Variants in AFG2A observed in about 807,000 individuals in gnomAD.
AFG2A encodes AAA ATPase AFG2A, also known as ATPase family gene 2 protein homolog A.
chr4:122,970,827 A>G, the AFG2A span, among the ~76,000 whole-genome samples: 1 of 151,522 alleles, frequency 6.6e-6, no homozygotes, highest in Non-Finnish European at 1.5e-5. Flanking sequence ...CTGTATCTAG[A>G]AGAAGTAAAA....
At chr4:123,278,440 A>G in the AFG2A span, among the ~76,000 whole-genome samples, 1 of 152,088 alleles carries the variant, frequency 6.6e-6, no homozygotes, top group East Asian at 1.9e-4. Flanking sequence ...GGTTTTTCAT[A>G]TCTCAGTTTC....
the AFG2A span, among the ~76,000 whole-genome samples, chr4:123,214,954 T>A: frequency 2.6e-5 from 4 of 151,932 alleles, no homozygotes; most frequent in African/African-American, 7.3e-5. Flanking sequence ...TTTTGGAGAG[T>A]CTCAGGTTAA....
chr4:123,004,208 T>A, the AFG2A span, among the ~76,000 whole-genome samples: 1 of 152,338 alleles, frequency 6.6e-6, no homozygotes, highest in Admixed American at 6.5e-5. Flanking sequence ...AGGTGCCCTC[T>A]GTTACCCCTT....
At chr4:122,965,784 G>A in the AFG2A span, among the ~76,000 whole-genome samples, 2 of 151,944 alleles carry the variant, frequency 1.3e-5, no homozygotes, top group Non-Finnish European at 2.9e-5. Flanking sequence ...TTGTCTTCAG[G>A]TTTCTAAAAA....
the AFG2A span, among the ~76,000 whole-genome samples, chr4:122,996,310 G>C: frequency 6.6e-6 from 1 of 152,094 alleles, no homozygotes; most frequent in Non-Finnish European, 1.5e-5. Context: ...ACATAATTGT[G>C]TCTTGTGTAC....
At chr4:123,250,128 C>G in the AFG2A span, among the ~76,000 whole-genome samples, 12 of 152,078 alleles carry the variant, frequency 7.9e-5, no homozygotes, top group African/African-American at 2.9e-4. Flanking sequence ...TATTTTAATA[C>G]TTTTGTCTGA....
At chr4:123,148,050 TC>T in the AFG2A span, among the ~76,000 whole-genome samples, 1 of 152,190 alleles carries the variant, frequency 6.6e-6, no homozygotes, top group Non-Finnish European at 1.5e-5. Context: ...GTAAAATTTC[TC>T]AAAGATATCT....
At chr4:122,939,478 G>C in the AFG2A span, among the ~76,000 whole-genome samples, 2 of 152,042 alleles carry the variant, frequency 1.3e-5, no homozygotes, top group Admixed American at 1.3e-4. Flanking sequence ...AATTTTCTAA[G>C]ACTCCTGACA....
the AFG2A span, among the ~76,000 whole-genome samples, chr4:123,029,961 A>G: frequency 6.6e-6 from 1 of 152,148 alleles, no homozygotes; most frequent in Non-Finnish European, 1.5e-5. Context: ...TTAAGGGTTG[A>G]AGTAATGAGT....
the AFG2A span, among the ~76,000 whole-genome samples, chr4:122,992,824 T>G: frequency 6.6e-6 from 1 of 152,194 alleles, no homozygotes; most frequent in South Asian, 2.1e-4. Context: ...TACAGTGACA[T>G]TAAGGTCAAA....
At chr4:123,293,649 G>A in the AFG2A span, among the ~76,000 whole-genome samples, 10 of 152,270 alleles carry the variant, frequency 6.6e-5, no homozygotes, top group South Asian at 2.1e-4. Context: ...TATGGCAGCC[G>A]CTACTACAGC....
the AFG2A span, among the ~76,000 whole-genome samples, chr4:123,187,295 T>C: frequency 0.012 from 1,858 of 152,288 alleles, 35 homozygotes; most frequent in African/African-American, 0.042. Context: ...CTAATGGAAC[T>C]TTTTTGAAGT....
the AFG2A span, among the ~76,000 whole-genome samples, chr4:123,250,365 A>G: frequency 6.6e-6 from 1 of 152,208 alleles, no homozygotes; most frequent in East Asian, 1.9e-4. Context: ...ACATGTTTAC[A>G]GTAATGACTA....
chr4:122,935,429 C>T, the AFG2A span, among the ~76,000 whole-genome samples: 1 of 150,382 alleles, frequency 6.6e-6, no homozygotes, highest in Non-Finnish European at 1.5e-5. Flanking sequence ...GATCATTGAT[C>T]TGTGTTGTGT....
At chr4:123,194,959 G>A in the AFG2A span, among the ~76,000 whole-genome samples, 1 of 152,046 alleles carries the variant, frequency 6.6e-6, no homozygotes, top group African/African-American at 2.4e-5. Flanking sequence ...TAAGCCAAAT[G>A]CAAGTCAAGT....
the AFG2A span, among the ~76,000 whole-genome samples, chr4:123,289,021 A>G: frequency 5.3e-5 from 8 of 152,220 alleles, no homozygotes; most frequent in South Asian, 1.7e-3. Context: ...AGATTTATTT[A>G]TTTATTTCAG....
the AFG2A span, among the ~76,000 whole-genome samples, chr4:123,001,297 A>G: frequency 6.6e-6 from 1 of 151,736 alleles, no homozygotes; most frequent in Non-Finnish European, 1.5e-5. Flanking sequence ...TTGTGTGTCT[A>G]TTTCCTTCAG....
At chr4:123,153,972 C>T in the AFG2A span, among the ~76,000 whole-genome samples, 4 of 152,042 alleles carry the variant, frequency 2.6e-5, no homozygotes, top group Non-Finnish European at 5.9e-5. Flanking sequence ...CAAAAATATC[C>T]CTTAACATAT....
At chr4:123,318,415 A>C in the AFG2A span, 1 of 152,210 alleles carries the variant, frequency 6.6e-6, no homozygotes, top group African/African-American at 2.4e-5. Context: ...GTCTCTCATA[A>C]GCCAATTATT....
Sources: gnomAD v4.1 joint callset for allele counts (sites outside exome capture counted in the v4.1 genomes callset) on GRCh38, gnomAD v4.1.1 for gene constraint, MANE v1.5 for transcripts, NCBI Gene and HGNC (gene_info 2026-07-23, HGNC 2026-07-21) for gene names.